CNST: variants seen among roughly 807,000 people sequenced by gnomAD.
CNST encodes consortin, connexin sorting protein, also known as consortin.
Under a neutral mutation model 72.4 loss-of-function variants are expected in CNST, and 39 were observed. That is an observed-to-expected ratio of 0.54 (90% confidence interval 0.42 to 0.70). The LOEUF (loss-of-function observed/expected upper bound fraction) is 0.70, where lower values mean the gene tolerates loss of function less well. Ranked by LOEUF, CNST falls within the 30% of genes least tolerant of loss-of-function variation. CNST has a pLI of 0.00. For synonymous variants in CNST, 332 were observed against 320.1 expected, an observed-to-expected ratio of 1.04 and a Z score of -0.40; for missense variants, 871 against 868.5, an observed-to-expected ratio of 1.00 and a Z score of -0.04.
chr1:246,662,217 C>T (rs907475294), intron 10 of CNST, among the ~76,000 whole-genome samples: 8 of 152,270 alleles, frequency 5.3e-5, no homozygotes, highest in East Asian at 1.9e-4. Context: ...GTGACTTACA[C>T]GGTGTTTTCA....
intron 9 of CNST, among the ~76,000 whole-genome samples, chr1:246,649,197 ATTAT>A (rs754109002): frequency 6.0e-5 from 9 of 149,724 alleles, no homozygotes; most frequent in Non-Finnish European, 1.3e-4. Context: ...GCTTAACAAA[ATTAT>A]TTAATATTGC....
chr1:246,663,336 TAAA>T (rs768843517), intron 10 of CNST, among the ~76,000 whole-genome samples: 4 of 116,488 alleles, frequency 3.4e-5, no homozygotes, highest in Admixed American at 9.0e-5. Flanking sequence ...ACCCTATGTC[TAAA>T]AAAAAAAAAA....
At chr1:246,661,658 A>G (rs192137177) in intron 10 of CNST, among the ~76,000 whole-genome samples, 29 of 152,340 alleles carry the variant, frequency 1.9e-4, no homozygotes, top group Non-Finnish European at 2.9e-5. Context: ...GGTTGCAAAT[A>G]TGTTTATCTA....
chr1:246,645,872 A>C (rs1475648319), intron 8 of CNST, among the ~76,000 whole-genome samples: 2 of 152,222 alleles, frequency 1.3e-5, no homozygotes, highest in African/African-American at 2.4e-5. Context: ...TTTAAAGTGA[A>C]GGAAAAATAA....
chr1:246,608,259 C>T (rs1004679982), intron 2 of CNST, among the ~76,000 whole-genome samples: 11 of 152,162 alleles, frequency 7.2e-5, no homozygotes, highest in African/African-American at 2.7e-4. Context: ...GTAGGAGGAT[C>T]ATCACTAGAC....
chr1:246,605,026 G>T (rs1662614943), intron 2 of CNST, among the ~76,000 whole-genome samples: 1 of 152,144 alleles, frequency 6.6e-6, no homozygotes, highest in African/African-American at 2.4e-5. Flanking sequence ...AACAAAATAT[G>T]TTTATTTTCA....
intron 2 of CNST, among the ~76,000 whole-genome samples, chr1:246,610,807 C>T (rs79442409): frequency 6.6e-6 from 1 of 151,886 alleles, no homozygotes; most frequent in East Asian, 1.9e-4. Flanking sequence ...CCTGAGCTGT[C>T]GCGTGTAGCT....
At chr1:246,632,381 G>T in intron 4 of CNST, 1 of 241,080 alleles carries the variant, frequency 4.1e-6, no homozygotes. Flanking sequence ...GTTGTAATTG[G>T]TCCTGGACTA....
At chr1:246,598,230 C>CA (rs1365529623) in intron 2 of CNST, among the ~76,000 whole-genome samples, 1 of 151,704 alleles carries the variant, frequency 6.6e-6, no homozygotes, top group East Asian at 1.9e-4. Flanking sequence ...AGCCATCCAC[C>CA]AGCTTTGGCC....
At chr1:246,578,394 T>C (rs765908530) in intron 1 of CNST, among the ~76,000 whole-genome samples, 13 of 152,086 alleles carry the variant, frequency 8.5e-5, no homozygotes, top group Non-Finnish European at 1.5e-4. Flanking sequence ...TGCCTTCGGC[T>C]GGGCGTGGTG....
chr1:246,572,852 T>C (rs1365624167), intron 1 of CNST, among the ~76,000 whole-genome samples: 2 of 152,180 alleles, frequency 1.3e-5, no homozygotes, highest in African/African-American at 2.4e-5. Context: ...TGTGAGTCAC[T>C]GCACCAGGCC....
At chr1:246,623,987 C>CA (rs1664259941) in intron 3 of CNST, among the ~76,000 whole-genome samples, 1 of 151,964 alleles carries the variant, frequency 6.6e-6, no homozygotes, top group Non-Finnish European at 1.5e-5. Context: ...TGCATGAGCC[C>CA]AGGAGTTTGA....
chr1:246,645,411 A>G (rs1162515017), intron 8 of CNST, among the ~76,000 whole-genome samples: 1 of 149,106 alleles, frequency 6.7e-6, no homozygotes, highest in Admixed American at 6.9e-5. Context: ...ATATTAGTAT[A>G]AAAAGGTTAA....
At chr1:246,605,185 A>G (rs1662631772) in intron 2 of CNST, among the ~76,000 whole-genome samples, 1 of 152,240 alleles carries the variant, frequency 6.6e-6, no homozygotes, top group Non-Finnish European at 1.5e-5. Flanking sequence ...TGATATTAGC[A>G]AAGTCAGTGT....
At chr1:246,584,088 A>G (rs894539582) in intron 1 of CNST, among the ~76,000 whole-genome samples, 9 of 152,102 alleles carry the variant, frequency 5.9e-5, no homozygotes, top group African/African-American at 2.2e-4. Flanking sequence ...CCACAGGCAC[A>G]CGCCACCAAG....
At chr1:246,634,428 A>G in intron 5 of CNST, 45 bp from the exon 6 acceptor site, 2 of 1,179,348 alleles carry the variant, frequency 1.7e-6, no homozygotes, top group Non-Finnish European at 2.4e-6. Flanking sequence ...TTGCTCCTAA[A>G]TATGTTTTAT....
intron 1 of CNST, among the ~76,000 whole-genome samples, chr1:246,574,092 T>C (rs947932683): frequency 3.3e-5 from 5 of 152,178 alleles, no homozygotes; most frequent in Non-Finnish European, 5.9e-5. Context: ...CAGGCTGGAG[T>C]GCAGTGGCGT....
intron 1 of CNST, among the ~76,000 whole-genome samples, chr1:246,574,980 A>ATTTATTTC (rs1303795448): frequency 6.8e-6 from 1 of 146,112 alleles, no homozygotes; most frequent in Admixed American, 6.8e-5. Context: ...TATTTTATTT[A>ATTTATTTC]TTTATTTATT....
At chr1:246,648,296 A>AT (rs1372555283) in intron 9 of CNST, 3 of 1,064,164 alleles carry the variant, frequency 2.8e-6, no homozygotes, top group East Asian at 4.9e-5. Context: ...GTATATATCC[A>AT]TTTTTTATAG....
Sources: gnomAD v4.1 joint callset for allele counts (sites outside exome capture counted in the v4.1 genomes callset) on GRCh38, gnomAD v4.1.1 for gene constraint, MANE v1.5 for transcripts, NCBI Gene and HGNC (gene_info 2026-07-23, HGNC 2026-07-21) for gene names.